Variants in ASGR2 observed in about 807,000 individuals in gnomAD.
ASGR2 encodes asialoglycoprotein receptor 2, also known as C-type lectin domain family 4 member H2.
In ASGR2, 34 loss-of-function variants were observed where a neutral mutation model predicts 32.3. That is an observed-to-expected ratio of 1.05 (90% CI 0.80 to 1.40). The LOEUF (loss-of-function observed/expected upper bound fraction) is 1.40, where lower values mean the gene tolerates loss of function less well. Among genes scored for constraint, ASGR2 ranks in the 40% most tolerant of loss-of-function variants. The probability of loss-of-function intolerance (pLI) is 0.00; values close to 1 mark genes in which losing one functional copy is unlikely to be tolerated. For missense variants in ASGR2, 385 were observed against 386.4 expected (o/e 1.00, Z 0.03); for synonymous variants, 143 against 150.0 (o/e 0.95, Z 0.34).
Position 7,114,002 on chromosome 17 carries a change from G to A in ASGR2, c.124+115C>T. 1 of 1,470,548 alleles carries A rather than the reference G, an allele frequency of 6.8e-7. No homozygotes were observed. Among genetic ancestry groups the A allele is most frequent in the South Asian group, 1.3e-5 (1 of 77,768 alleles). The allele number at this position is 1,470,548 out of a possible 1,614,324, so 91.1% of individuals were successfully genotyped here. A position where few individuals can be genotyped will look rare whatever the true frequency, so the allele number is the denominator to read the frequency against. On this transcript the variant is annotated intron_variant, in intron 2 of 8. Transcript: ENST00000691900. This position sits in a 1 kb window ranked among gnomAD's most constrained non-coding sequence, Gnocchi z 4.5. ...GTGAGGTGAGGGAACAAGCGGGGGT[G>A]TCGGGCCCTCCTCAGTCCCTGTTCA... is the stretch of plus-strand genomic sequence containing the variant.
In ASGR2 at chr17:7,107,389, G is replaced by T; in HGVS notation, c.410-72C>A. ...CTGCTAGGCTCCAGCCTGTGGCTGG[G>T]GAAGCATATACACCCACAGACACGT... is the stretch of plus-strand genomic sequence containing the variant. On this transcript the variant is annotated intron_variant, in intron 5 of 8. Transcript: ENST00000691900. The surrounding 1 kb of genome is among the most constrained non-coding windows in gnomAD (Gnocchi z 5.0). 1 of 1,504,134 alleles carries T rather than the reference G, an allele frequency of 6.6e-7. No homozygotes were observed. Among genetic ancestry groups the T allele is most frequent in the Admixed American group, 1.8e-5 (1 of 55,554 alleles). The allele number at this position is 1,504,134 out of a possible 1,614,324, so 93.2% of individuals were successfully genotyped here.
In ASGR2 at chr17:7,102,003, G is replaced by C. The variant is rs879060055; in HGVS notation, c.755+87C>G. 1.5e-5 allele frequency: 21 copies of C among 1,356,576 alleles called. 1 individual carries two copies. In the South Asian group the frequency reaches 2.5e-4, roughly 16 times the overall value. The allele number at this position is 1,356,576 out of a possible 1,614,324, so 84.0% of individuals were successfully genotyped here. On this transcript the variant is annotated intron_variant, in intron 8 of 8. Coordinates refer to ENST00000691900, the MANE Select transcript of ASGR2 (RefSeq NM_001201352.2). Reference sequence around the variant, plus strand: ...GAGGATTGGGGAATTTGGTCCCTGAGGGACGAGTCAGGGTAGCTTGGAGTG... The same window carrying C: ...GAGGATTGGGGAATTTGGTCCCTGACGGACGAGTCAGGGTAGCTTGGAGTG...
rs1913981304 is a variant in ASGR2 at position 7,107,696 on chromosome 17, GAC to G, written c.409+138_409+139del. 1 of 1,051,526 alleles carries G rather than the reference GAC, an allele frequency of 9.5e-7. No individual in the cohort carries two copies. The highest frequency in any genetic ancestry group is 1.4e-5 in the South Asian group (1 of 70,230). The allele number at this position is 1,051,526 out of a possible 1,614,324, so 65.1% of individuals were successfully genotyped here. On this transcript the variant is annotated intron_variant, in intron 5 of 8. Coordinates refer to ENST00000691900, the MANE Select transcript of ASGR2 (RefSeq NM_001201352.2). This position sits in a 1 kb window ranked among gnomAD's most constrained non-coding sequence, Gnocchi z 5.0. Reference sequence around the variant, plus strand: ...ATATCACACCACACATACGGAGAGAGACACAGATACACATGCTTGCAGGCACA... The same window carrying G: ...ATATCACACCACACATACGGAGAGAGACAGATACACATGCTTGCAGGCACA...
intron 7 of ASGR2, among the ~76,000 whole-genome samples, chr17:7,106,365 G>T (rs1049341044): frequency 1.3e-5 from 2 of 152,214 alleles, no homozygotes; most frequent in East Asian, 3.9e-4. Flanking sequence ...CCACGAAGTT[G>T]TAGTGGTCAT....
chr17:7,114,873 G>A (rs1915274477), upstream of ASGR2: 1 of 986,244 alleles, frequency 1.0e-6, no homozygotes, highest in African/African-American at 1.7e-5. The surrounding 1 kb of genome is among the most constrained non-coding windows in gnomAD (Gnocchi z 4.5). Flanking sequence ...GGGGGCAGGG[G>A]ACGGGGCTAT....
chr17:7,109,709 C>A (rs1043132938), intron 2 of ASGR2, among the ~76,000 whole-genome samples: 3 of 152,104 alleles, frequency 2.0e-5, no homozygotes, highest in African/African-American at 7.2e-5. Context: ...CACACACTCA[C>A]ACATTGCTCA....
rs1207159040 is a variant in ASGR2 at position 7,101,475 on chromosome 17, A to G, written c.*100T>C. On this transcript the variant is annotated 3_prime_UTR_variant, in exon 9 of 9. Transcript: ENST00000691900. ...TTCTCTCTTTGCTCAGCTCTTCCCCATACCCCTGTCTCAGTGTTTCTTCCT... is the reference window on the plus strand; with the variant it reads ...TTCTCTCTTTGCTCAGCTCTTCCCCGTACCCCTGTCTCAGTGTTTCTTCCT... 3.4e-6 allele frequency: 5 copies of G among 1,490,412 alleles called. No homozygotes were observed. Among genetic ancestry groups the G allele is most frequent in the Non-Finnish European group, 4.5e-6 (5 of 1,109,038 alleles). 92.3% of individuals were successfully genotyped at this position (1,490,412 alleles called of 1,614,324 possible).
chr17:7,104,343 T>C (rs186151234), intron 7 of ASGR2, among the ~76,000 whole-genome samples: 1,614 of 88,088 alleles, frequency 0.018, 16 homozygotes, highest in Middle Eastern at 0.033. Flanking sequence ...AGCAAAACTC[T>C]GTCTTAAAAA....
rs1597399333 is a variant in ASGR2, at chr17:7,114,058, A to G, written c.124+59T>C. 2.5e-6 allele frequency: 4 copies of G among 1,606,410 alleles called. No homozygotes were observed. The East Asian group carries it at 6.7e-5, about 27-fold the overall frequency. On this transcript the variant is annotated intron_variant, in intron 2 of 8. Coordinates refer to ENST00000691900, the MANE Select transcript of ASGR2 (RefSeq NM_001201352.2). The surrounding 1 kb of genome is among the most constrained non-coding windows in gnomAD (Gnocchi z 4.5). The stretch of plus-strand genomic sequence containing the variant: ...TGGGTGCGGCAGAGACCTCAAAGGG[A>G]CAGAGCAATCATGAGCTGAGACAGA...
rs766605664 is a variant in ASGR2, at chr17:7,114,098, G to C, written c.124+19C>G. The C allele has an allele frequency of 3.1e-6, 5 of 1,613,816 alleles. No individual in the cohort carries two copies. The highest frequency in any genetic ancestry group is 4.2e-6 in the Non-Finnish European group (5 of 1,179,874). On this transcript the variant is annotated intron_variant, in intron 2 of 8. Coordinates refer to ENST00000691900, the MANE Select transcript of ASGR2 (RefSeq NM_001201352.2). This position sits in a 1 kb window ranked among gnomAD's most constrained non-coding sequence, Gnocchi z 4.5. ...GCTGAGACAGAGGGGGAGCAAAGCC[G>C]CAGAAACTGCACACTTGCCTTTCAA...
At position 7,113,448 on chromosome 17, in the gene ASGR2, AACAC is replaced by A. The variant is rs367813612; in HGVS notation, c.124+665_124+668del. Among the ~76,000 whole-genome samples the A allele has an allele frequency of 3.3e-5, 5 of 149,606 alleles. No individual in the cohort carries two copies. The highest frequency in any genetic ancestry group is 2.1e-4 in the South Asian group (1 of 4,758). On this transcript the variant is annotated intron_variant, in intron 2 of 8. Coordinates refer to ENST00000691900, the MANE Select transcript of ASGR2 (RefSeq NM_001201352.2). The surrounding 1 kb of genome is among the most constrained non-coding windows in gnomAD (Gnocchi z 5.1). ...CGCACAACATACACAACACTCACACAACACACAAACATACATACACTCACACAAT... is the reference window on the plus strand; with the variant it reads ...CGCACAACATACACAACACTCACACAACAAACATACATACACTCACACAAT...
At position 7,113,456 on chromosome 17, in the gene ASGR2, AACAT is replaced by A. The variant is rs761303754; in HGVS notation, c.124+657_124+660del. Among the ~76,000 whole-genome samples, 29 of 143,542 alleles carry A rather than the reference AACAT, an allele frequency of 2.0e-4. No individual in the cohort carries two copies. The highest frequency in any genetic ancestry group is 3.0e-4 in the Non-Finnish European group (20 of 66,790). The allele number at this position is 143,542 out of a possible 152,430, so 94.2% of individuals were successfully genotyped here. ...ATACACAACACTCACACAACACACA[AACAT>A]ACATACACTCACACAATACACACAC... On this transcript the variant is annotated intron_variant, in intron 2 of 8. Transcript: ENST00000691900. This position sits in a 1 kb window ranked among gnomAD's most constrained non-coding sequence, Gnocchi z 5.1.
In ASGR2 at chr17:7,114,244, G is replaced by C. The variant is rs760778319; in HGVS notation, c.-4C>G. 6.8e-6 allele frequency: 11 copies of C among 1,613,858 alleles called. No individual in the cohort carries two copies. In the South Asian group the frequency reaches 1.1e-4, roughly 16 times the overall value. On this transcript the variant is annotated 5_prime_UTR_variant, in exon 2 of 9. Coordinates refer to ENST00000691900, the MANE Select transcript of ASGR2 (RefSeq NM_001201352.2). The surrounding 1 kb of genome is among the most constrained non-coding windows in gnomAD (Gnocchi z 4.5). Reference sequence around the variant, plus strand: ...TATCTTGAAAGTCCTTGGCCATGATGGGGCCCGGGCTGGAGCTGGAGCTGG... The same window carrying C: ...TATCTTGAAAGTCCTTGGCCATGATCGGGCCCGGGCTGGAGCTGGAGCTGG...
rs1915059275 is a variant in ASGR2, at chr17:7,113,584, CACATACACA to C, written c.124+524_124+532del. Among the ~76,000 whole-genome samples, 2 of 151,474 alleles carry C rather than the reference CACATACACA, an allele frequency of 1.3e-5. No homozygotes were observed. The highest frequency in any genetic ancestry group is 6.6e-5 in the Admixed American group (1 of 15,204). ...AACATACACACAACATACACACACT[CACATACACA>C]ACATACACTCGCACAACATACACAC... On this transcript the variant is annotated intron_variant, in intron 2 of 8. Coordinates refer to ENST00000691900, the MANE Select transcript of ASGR2 (RefSeq NM_001201352.2). The surrounding 1 kb of genome is among the most constrained non-coding windows in gnomAD (Gnocchi z 5.1).
chr17:7,105,603 C>A (rs996344532), intron 7 of ASGR2, among the ~76,000 whole-genome samples: 1 of 151,874 alleles, frequency 6.6e-6, no homozygotes, highest in Non-Finnish European at 1.5e-5. Context: ...CCGTTGAGCC[C>A]GGGAGGCACA....
In ASGR2 at chr17:7,107,807, A is replaced by C. The variant is rs954217297; in HGVS notation, c.409+29T>G. ...ACCGCACACGTACACATGCACGCAC[A>C]TGCGCACACACCCCGGAGGCTCTCT... On this transcript the variant is annotated intron_variant, in intron 5 of 8. Coordinates refer to ENST00000691900, the MANE Select transcript of ASGR2 (RefSeq NM_001201352.2). The surrounding 1 kb of genome is among the most constrained non-coding windows in gnomAD (Gnocchi z 5.0). 6.2e-7 allele frequency: 1 copy of C among 1,611,978 alleles called. No individual in the cohort carries two copies. Among genetic ancestry groups the C allele is most frequent in the Non-Finnish European group, 8.5e-7 (1 of 1,178,942 alleles).
At chr17:7,106,923 AT>A in intron 7 of ASGR2, 76 bp downstream of exon 7, 1 of 1,416,172 alleles carries the variant, frequency 7.1e-7, no homozygotes, top group Non-Finnish European at 9.6e-7. Flanking sequence ...AAAAAAATGG[AT>A]AAAATAAGCC....
intron 2 of ASGR2, among the ~76,000 whole-genome samples, chr17:7,112,573 G>A (rs1036670232): frequency 3.5e-4 from 53 of 152,184 alleles, no homozygotes; most frequent in African/African-American, 1.2e-3. Flanking sequence ...TGTGGGCACT[G>A]GAGTTGCAGA....
In ASGR2 at chr17:7,108,642, G is replaced by T; in HGVS notation, c.242-85C>A. The T allele has an allele frequency of 1.3e-6, 2 of 1,599,698 alleles. No homozygotes were observed. The highest frequency in any genetic ancestry group is 1.7e-6 in the Non-Finnish European group (2 of 1,170,776). ...ATGTGACTGGCCCCTCAATGTCCCCGCATTTGCCCCAGCTTGTGCTCCACC... is the reference window on the plus strand; with the variant it reads ...ATGTGACTGGCCCCTCAATGTCCCCTCATTTGCCCCAGCTTGTGCTCCACC... On this transcript the variant is annotated intron_variant, in intron 3 of 8. Coordinates refer to ENST00000691900, the MANE Select transcript of ASGR2 (RefSeq NM_001201352.2). This position sits in a 1 kb window ranked among gnomAD's most constrained non-coding sequence, Gnocchi z 4.9.
Sources: allele counts gnomAD v4.1 joint callset (sites outside exome capture counted in the v4.1 genomes callset), GRCh38; gene constraint gnomAD v4.1.1; non-coding constraint Gnocchi (gnomAD v3.1); transcripts MANE v1.5; gene names NCBI Gene and HGNC (gene_info 2026-07-23, HGNC 2026-07-21).